The following CTNNA3 variants were observed in gnomAD, a reference collection of about 807,000 sequenced individuals.
The protein encoded by CTNNA3 is catenin alpha 3.
CTNNA3 carries 76 observed loss-of-function variants against 95.7 expected under a neutral mutation model. The ratio of observed to expected loss-of-function variants is 0.79; its 90% CI spans 0.66 to 0.96. CTNNA3 has a LOEUF of 0.96. Among genes scored for constraint, CTNNA3 ranks in the 40% least tolerant of loss-of-function variants. The pLI, the probability that CTNNA3 is intolerant of heterozygous loss-of-function variation, is 0.00. For synonymous variants in CTNNA3, 431 were observed against 374.4 expected (o/e 1.15, Z -1.74); for missense variants, 1,191 against 1,089.8 (o/e 1.09, Z -1.31).
chr10:66,901,004 T>C (rs1030885438), intron 7 of CTNNA3, among the ~76,000 whole-genome samples: 1 of 152,080 alleles, frequency 6.6e-6, no homozygotes, highest in African/African-American at 2.4e-5. Flanking sequence ...CAGGCCAACA[T>C]TCACATTCAG....
intron 13 of CTNNA3, among the ~76,000 whole-genome samples, chr10:66,103,515 A>G (rs1341422223): frequency 6.6e-6 from 1 of 152,212 alleles, no homozygotes; most frequent in African/African-American, 2.4e-5. Flanking sequence ...AATGTGGTGC[A>G]TGTGTACAAT....
At chr10:66,046,723 C>T (rs1441843157) in intron 15 of CTNNA3, among the ~76,000 whole-genome samples, 2 of 151,366 alleles carry the variant, frequency 1.3e-5, no homozygotes, top group Admixed American at 1.3e-4. Context: ...GCTATTATAC[C>T]TAGACAAATA....
chr10:67,527,129 C>A (rs542796779), intron 4 of CTNNA3, among the ~76,000 whole-genome samples: 2 of 152,164 alleles, frequency 1.3e-5, no homozygotes, highest in South Asian at 4.2e-4. Context: ...TGGTGGCATG[C>A]ACCTGTAATC....
intron 13 of CTNNA3, among the ~76,000 whole-genome samples, chr10:66,166,217 A>G (rs2085117985): frequency 1.3e-5 from 2 of 152,056 alleles, no homozygotes; most frequent in South Asian, 4.1e-4. Context: ...GCACTTTGGG[A>G]GGCTGAGGTG....
chr10:66,539,473 A>C (rs1161253639), intron 10 of CTNNA3, among the ~76,000 whole-genome samples: 1 of 152,170 alleles, frequency 6.6e-6, no homozygotes, highest in African/African-American at 2.4e-5. Flanking sequence ...ACTGGTCTTT[A>C]TCAGTGTGAA....
At chr10:65,929,841 C>G (rs532570146) in intron 17 of CTNNA3, among the ~76,000 whole-genome samples, 1 of 152,172 alleles carries the variant, frequency 6.6e-6, no homozygotes, top group Admixed American at 6.5e-5. Context: ...TGTTAGGATA[C>G]AGGTGTGAGC....
chr10:65,920,552 C>T lies in CTNNA3; in HGVS notation c.2466G>A (p.Val822=). ...KNLMNAVVQT[V]KMSYIASTKI... ...TGGTTGAGGCAATGTAAGACATTTTCACTGTTTGCACTACAGCATTCATTA... is the reference window on the plus strand; with the variant it reads ...TGGTTGAGGCAATGTAAGACATTTTTACTGTTTGCACTACAGCATTCATTA... The change falls in exon 18 of 18, where the codon GTG becomes GTA. Residue 822 remains valine (V), a synonymous_variant. Coordinates refer to ENST00000433211, the MANE Select transcript of CTNNA3 (RefSeq NM_013266.4). The T allele has an allele frequency of 6.2e-7, 1 of 1,614,148 alleles. No individual in the cohort carries two copies. The highest frequency in any genetic ancestry group is 1.3e-5 in the African/African-American group (1 of 75,032).
chr10:66,930,351 C>T (rs1344421079), intron 7 of CTNNA3, among the ~76,000 whole-genome samples: 2 of 152,188 alleles, frequency 1.3e-5, no homozygotes, highest in Admixed American at 1.3e-4. Context: ...AATGCAGATA[C>T]TTCCTCACAG....
rs184009548 is a variant in CTNNA3 at position 67,184,864 on chromosome 10, T to C, written c.844-4344A>G. The stretch of plus-strand genomic sequence containing the variant: ...TGCTGATAGAGGTTCTTCAAACTGA[T>C]GTTTTATCTTTCTCAGTGCCTCAAA... On this transcript the variant is annotated intron_variant, in intron 6 of 17. Transcript: ENST00000433211. Among the ~76,000 whole-genome samples the C allele has an allele frequency of 4.6e-5, 7 of 152,330 alleles. No homozygotes were observed. The East Asian group carries it at 1.4e-3, about 29-fold the overall frequency.
chr10:67,323,909 G>C (rs1240032648), intron 5 of CTNNA3, among the ~76,000 whole-genome samples: 1 of 152,064 alleles, frequency 6.6e-6, no homozygotes, highest in Non-Finnish European at 1.5e-5. Flanking sequence ...TTTCCTTGTA[G>C]AGAACTTTTA....
At chr10:67,251,383 C>T (rs1866103264) in intron 5 of CTNNA3, among the ~76,000 whole-genome samples, 1 of 152,044 alleles carries the variant, frequency 6.6e-6, no homozygotes, top group Non-Finnish European at 1.5e-5. Flanking sequence ...AAGGAAAATG[C>T]TCTAAAATTA....
chr10:66,948,641 A>G (rs1848391922), intron 7 of CTNNA3, among the ~76,000 whole-genome samples: 1 of 152,232 alleles, frequency 6.6e-6, no homozygotes, highest in African/African-American at 2.4e-5. Flanking sequence ...ATCTACAGGA[A>G]GAATACCACA....
At chr10:67,386,531 T>A (rs1296154689) in intron 5 of CTNNA3, among the ~76,000 whole-genome samples, 1 of 152,144 alleles carries the variant, frequency 6.6e-6, no homozygotes, top group African/African-American at 2.4e-5. Flanking sequence ...TGAACTGAGT[T>A]GAAAGCCTTC....
chr10:67,725,661 T>G (rs1032178169), intron 1 of CTNNA3, among the ~76,000 whole-genome samples: 3 of 151,604 alleles, frequency 2.0e-5, no homozygotes, highest in African/African-American at 7.3e-5. Flanking sequence ...AATAAAGAGA[T>G]AGGGATAGAG....
intron 7 of CTNNA3, among the ~76,000 whole-genome samples, chr10:67,133,387 A>G (rs1397016551): frequency 6.8e-6 from 1 of 146,224 alleles, no homozygotes. Context: ...ATACACACAC[A>G]CACACACACA....
At chr10:66,519,557 A>G (rs1003509637) in intron 11 of CTNNA3, among the ~76,000 whole-genome samples, 11 of 152,180 alleles carry the variant, frequency 7.2e-5, no homozygotes, top group Non-Finnish European at 1.3e-4. Context: ...AGATAAATGC[A>G]TATCTGATTG....
At position 65,915,769 on chromosome 10, in the gene CTNNA3, G is replaced by A. The variant is rs1033988724; in HGVS notation, c.*4561C>T. The A allele has an allele frequency of 6.6e-6, 1 of 151,972 alleles. No individual in the cohort carries two copies. The highest frequency in any genetic ancestry group is 2.4e-5 in the African/African-American group (1 of 41,376). 9.4% of individuals were successfully genotyped at this position (151,972 alleles called of 1,614,324 possible). Reference sequence around the variant, plus strand: ...AAATGGATTCTATCTTGTCTGTTAGGGGGAAAATATTCACATGCAAGAAGA... The same window carrying A: ...AAATGGATTCTATCTTGTCTGTTAGAGGGAAAATATTCACATGCAAGAAGA... On this transcript the variant is annotated 3_prime_UTR_variant, in exon 18 of 18. Transcript: ENST00000433211.
At chr10:66,348,749 A>T (rs1428916849) in intron 12 of CTNNA3, among the ~76,000 whole-genome samples, 5 of 152,086 alleles carry the variant, frequency 3.3e-5, no homozygotes, top group Non-Finnish European at 1.5e-5. Context: ...CCGCTTGTTG[A>T]TGATGTGATG....
intron 5 of CTNNA3, among the ~76,000 whole-genome samples, chr10:67,239,764 A>G (rs772522726): frequency 8.5e-5 from 13 of 152,174 alleles, no homozygotes; most frequent in Non-Finnish European, 1.8e-4. Flanking sequence ...TGGACTGGCT[A>G]TGTTGTCATA....
Sources: gnomAD v4.1 joint callset for allele counts (sites outside exome capture counted in the v4.1 genomes callset) on GRCh38, gnomAD v4.1.1 for gene constraint, MANE v1.5 for transcripts, NCBI Gene and HGNC (gene_info 2026-07-23, HGNC 2026-07-21) for gene names.